Variants in SYT16 observed in about 807,000 individuals in gnomAD.
The protein encoded by SYT16 is synaptotagmin 16, also known as synaptotagmin-16.
Under a neutral mutation model 61.4 loss-of-function variants are expected in SYT16, and 42 were observed. The observed-to-expected ratio is 0.68, with a 90% confidence interval of 0.53 to 0.89. The LOEUF is 0.89. Among genes scored for constraint, SYT16 ranks in the 40% least tolerant of loss-of-function variants. SYT16 has a pLI of 0.00. For synonymous variants in SYT16, 314 were observed against 302.3 expected (o/e 1.04, Z -0.40); for missense variants, 804 against 807.3 (o/e 1.00, Z 0.05).
chr14:62,088,197 CA>C (rs2056952818), intron 7 of SYT16, among the ~76,000 whole-genome samples: 1 of 152,148 alleles, frequency 6.6e-6, no homozygotes, highest in African/African-American at 2.4e-5. Flanking sequence ...AAAAACTAGA[CA>C]GTCCTCACGC....
chr14:62,099,954 A>G (rs1334267687), intron 7 of SYT16, among the ~76,000 whole-genome samples: 1 of 152,214 alleles, frequency 6.6e-6, no homozygotes, highest in African/African-American at 2.4e-5. Flanking sequence ...ATGAATATGT[A>G]GAGAGTGAGA....
intron 1 of SYT16, among the ~76,000 whole-genome samples, chr14:61,814,407 T>C (rs2045363419): frequency 6.6e-6 from 1 of 152,236 alleles, no homozygotes; most frequent in Admixed American, 6.5e-5. Flanking sequence ...GGGTTCAAAG[T>C]ATCTACCAGC....
At chr14:62,098,770 C>T (rs987251904) in intron 7 of SYT16, among the ~76,000 whole-genome samples, 3 of 152,106 alleles carry the variant, frequency 2.0e-5, no homozygotes, top group East Asian at 1.9e-4. Context: ...AAATAGGCAG[C>T]GATAATACTG....
chr14:62,047,177 A>G (rs1177498677), intron 3 of SYT16, among the ~76,000 whole-genome samples: 4 of 152,258 alleles, frequency 2.6e-5, no homozygotes, highest in South Asian at 2.1e-4. Context: ...TTCTCCTTGA[A>G]GAGGTCCTTC....
rs1303063987 is a variant in SYT16 at position 62,000,539 on chromosome 14, T to TA, written c.523+3997_523+3998insA. On this transcript the variant is annotated intron_variant, in intron 3 of 7. Coordinates refer to ENST00000683842, the MANE Select transcript of SYT16 (RefSeq NM_001367656.1). ...TTTTAATTTGTTTTAACTGTTTGTA[T>TA]TTAATATAATTGTTGATATTGCTGA... 2.0e-5 allele frequency among the ~76,000 whole-genome samples: 3 copies of TA among 152,066 alleles called. No homozygotes were observed. In the East Asian group the frequency reaches 5.8e-4, roughly 29 times the overall value.
chr14:61,998,719 G>A (rs2052870580), intron 3 of SYT16, among the ~76,000 whole-genome samples: 2 of 152,026 alleles, frequency 1.3e-5, no homozygotes, highest in Middle Eastern at 3.4e-3. Context: ...ACTGGTGAGA[G>A]TGAATATCCT....
chr14:61,911,567 G>T (rs1201573055), intron 1 of SYT16, among the ~76,000 whole-genome samples: 2 of 152,166 alleles, frequency 1.3e-5, no homozygotes, highest in Non-Finnish European at 2.9e-5. Context: ...TGAAAAAGAG[G>T]CTCAGAGGAG....
chr14:61,909,677 G>C (rs1464887395), intron 1 of SYT16, among the ~76,000 whole-genome samples: 1 of 152,140 alleles, frequency 6.6e-6, no homozygotes, highest in Non-Finnish European at 1.5e-5. Context: ...GAGTGTTAGG[G>C]CATGGAGATA....
At chr14:62,061,794 T>G (rs1437997255) in intron 3 of SYT16, among the ~76,000 whole-genome samples, 1 of 151,996 alleles carries the variant, frequency 6.6e-6, no homozygotes, top group Non-Finnish European at 1.5e-5. Context: ...AAATAAAAGT[T>G]AGAGATTTTA....
chr14:61,977,405 T>C (rs1334933267), intron 2 of SYT16, among the ~76,000 whole-genome samples: 5 of 152,336 alleles, frequency 3.3e-5, no homozygotes, highest in Non-Finnish European at 5.9e-5. Context: ...CAGTTCAGCA[T>C]GGCTGGAGAG....
At chr14:61,913,257 G>A (rs1480601415) in intron 1 of SYT16, among the ~76,000 whole-genome samples, 2 of 152,118 alleles carry the variant, frequency 1.3e-5, no homozygotes, top group African/African-American at 2.4e-5. Flanking sequence ...CAGAGCTGTA[G>A]TGCCCAGAAC....
At chr14:61,983,392 A>G (rs1034821336) in intron 2 of SYT16, among the ~76,000 whole-genome samples, 4 of 152,220 alleles carry the variant, frequency 2.6e-5, no homozygotes, top group Admixed American at 2.6e-4. Flanking sequence ...TGAAAAGATG[A>G]CAGGTATTAT....
chr14:61,962,494 T>C (rs2140504755), intron 1 of SYT16, among the ~76,000 whole-genome samples: 1 of 152,284 alleles, frequency 6.6e-6, no homozygotes, highest in East Asian at 1.9e-4. Context: ...GGTATAGATC[T>C]TTTTGTGTTC....
intron 3 of SYT16, among the ~76,000 whole-genome samples, chr14:62,007,505 G>A (rs920929990): frequency 6.6e-6 from 1 of 152,094 alleles, no homozygotes; most frequent in African/African-American, 2.4e-5. Context: ...AGATATTAAT[G>A]AACATGTTAG....
intron 1 of SYT16, among the ~76,000 whole-genome samples, chr14:61,961,563 G>C (rs2051117384): frequency 1.3e-5 from 2 of 152,076 alleles, no homozygotes; most frequent in African/African-American, 4.8e-5. Context: ...AAACCACAAA[G>C]TGACATCATC....
intron 3 of SYT16, among the ~76,000 whole-genome samples, chr14:62,047,859 C>G (rs933546996): frequency 6.6e-6 from 1 of 152,192 alleles, no homozygotes; most frequent in African/African-American, 2.4e-5. Flanking sequence ...TTTTGATGTA[C>G]TACTGGATTC....
At chr14:62,048,227 T>G (rs2140877347) in intron 3 of SYT16, among the ~76,000 whole-genome samples, 1 of 152,376 alleles carries the variant, frequency 6.6e-6, no homozygotes, top group Non-Finnish European at 1.5e-5. Flanking sequence ...GTCTAGGAAT[T>G]TATCCATTTC....
intron 1 of SYT16, among the ~76,000 whole-genome samples, chr14:61,914,633 A>G: frequency 6.6e-6 from 1 of 151,964 alleles, no homozygotes; most frequent in East Asian, 1.9e-4. Context: ...GTTATCTTTG[A>G]CTCATTTTCT....
At chr14:61,830,506 C>G (rs1485800137) in intron 1 of SYT16, among the ~76,000 whole-genome samples, 2 of 152,238 alleles carry the variant, frequency 1.3e-5, no homozygotes, top group Non-Finnish European at 2.9e-5. Context: ...TGATATTTCT[C>G]ACCGTAGTTC....
Sources: allele counts gnomAD v4.1 joint callset (sites outside exome capture counted in the v4.1 genomes callset), GRCh38; gene constraint gnomAD v4.1.1; transcripts MANE v1.5; gene names NCBI Gene and HGNC (gene_info 2026-07-23, HGNC 2026-07-21).